NXPE2: variants seen among roughly 807,000 people sequenced by gnomAD.
NXPE2 encodes the protein NXPE family member 2.
In NXPE2, 34 loss-of-function variants were observed where a neutral mutation model predicts 34.4. That is an observed-to-expected ratio of 0.99 (90% CI 0.75 to 1.31). The LOEUF is 1.31. NXPE2 is among the 40% of genes most tolerant of loss of function. NXPE2 has a pLI of 0.00. For synonymous variants in NXPE2, 235 were observed against 231.3 expected, an observed-to-expected ratio of 1.02 and a Z score of -0.15; for missense variants, 649 against 672.5, an observed-to-expected ratio of 0.97 and a Z score of 0.39.
chr11:114,780,910 G>T, the NXPE2 span, among the ~76,000 whole-genome samples: 1 of 152,182 alleles, frequency 6.6e-6, no homozygotes, highest in Non-Finnish European at 1.5e-5. Flanking sequence ...AGGGGATGTG[G>T]CGTTGGGGGA....
chr11:114,469,783 T>C, the NXPE2 span, among the ~76,000 whole-genome samples: 1 of 152,204 alleles, frequency 6.6e-6, no homozygotes, highest in African/African-American at 2.4e-5. Context: ...ACAGTTAACG[T>C]AATGAACATT....
chr11:114,646,768 A>T, the NXPE2 span, among the ~76,000 whole-genome samples: 1 of 152,172 alleles, frequency 6.6e-6, no homozygotes, highest in East Asian at 1.9e-4. Flanking sequence ...TTTTCTCATT[A>T]AAGAGTTTTC....
At chr11:114,586,218 C>T in the NXPE2 span, among the ~76,000 whole-genome samples, 19 of 152,162 alleles carry the variant, frequency 1.2e-4, no homozygotes, top group Non-Finnish European at 2.8e-4. Context: ...GAGCTTTTCT[C>T]TTTCTTTTGC....
chr11:114,746,798 C>T, the NXPE2 span, among the ~76,000 whole-genome samples: 12 of 151,558 alleles, frequency 7.9e-5, no homozygotes, highest in African/African-American at 2.7e-4. Flanking sequence ...TTGCAGCGAG[C>T]CAAGATAGAG....
the NXPE2 span, among the ~76,000 whole-genome samples, chr11:114,490,671 G>C: frequency 2.6e-5 from 4 of 152,114 alleles, no homozygotes; most frequent in African/African-American, 4.8e-5. Context: ...GAAACTGGAT[G>C]CCTTCCTTAC....
Position 114,679,775 on chromosome 11 carries a change from A to AT in NXPE2, c.132+18dup. On this transcript the variant is annotated intron_variant, in intron 2 of 5. Coordinates refer to ENST00000389586, the MANE Select transcript of NXPE2 (RefSeq NM_182495.6). ...AGACCACACAAAGGTAGGAAGTTTC[A>AT]TTTTTAAGAATTTCACAGAAGGTCA... 6.1e-6 allele frequency: 9 copies of AT among 1,481,386 alleles called. No homozygotes were observed. The highest frequency in any genetic ancestry group is 8.3e-6 in the Non-Finnish European group (9 of 1,085,736). The allele number at this position is 1,481,386 out of a possible 1,614,324, so 91.8% of individuals were successfully genotyped here. A position where few individuals can be genotyped will look rare whatever the true frequency, so the allele number is the denominator to read the frequency against.
the NXPE2 span, among the ~76,000 whole-genome samples, chr11:114,648,552 C>A: frequency 6.6e-6 from 1 of 152,130 alleles, no homozygotes; most frequent in Non-Finnish European, 1.5e-5. Context: ...TAGAAACACC[C>A]AGAGTAATGA....
At chr11:114,512,817 A>G in the NXPE2 span, 2 of 188,370 alleles carry the variant, frequency 1.1e-5, no homozygotes, top group Non-Finnish European at 2.2e-5. Flanking sequence ...CTCAGGGAAC[A>G]CGTTGAGGCC....
At chr11:114,629,898 T>A in the NXPE2 span, among the ~76,000 whole-genome samples, 1 of 150,362 alleles carries the variant, frequency 6.7e-6, no homozygotes, top group Non-Finnish European at 1.5e-5. Context: ...GAGAGCCAAA[T>A]CATGAGTGAA....
chr11:114,570,718 G>T, the NXPE2 span: 1,723 of 432,950 alleles, frequency 4.0e-3, 5 homozygotes, highest in Non-Finnish European at 6.0e-3. Context: ...GATCAAGAAG[G>T]GTAGGCTCTT....
chr11:114,607,981 T>C, the NXPE2 span, among the ~76,000 whole-genome samples: 2 of 151,692 alleles, frequency 1.3e-5, no homozygotes, highest in East Asian at 2.0e-4. Context: ...GCCTCGTGAG[T>C]CACCGCTGCT....
chr11:114,741,784 T>A, the NXPE2 span, among the ~76,000 whole-genome samples: 1 of 152,226 alleles, frequency 6.6e-6, no homozygotes, highest in Non-Finnish European at 1.5e-5. Flanking sequence ...ATATTTTTCA[T>A]CTTTGTTAGG....
the NXPE2 span, chr11:114,571,559 G>T: frequency 2.5e-6 from 3 of 1,199,488 alleles, no homozygotes; most frequent in South Asian, 1.6e-5. Context: ...GATTTGATTG[G>T]TATAATTAAA....
the NXPE2 span, among the ~76,000 whole-genome samples, chr11:114,615,098 C>T: frequency 6.6e-6 from 1 of 151,912 alleles, no homozygotes; most frequent in Non-Finnish European, 1.5e-5. Context: ...ATAAGTGTTG[C>T]TTCATGGGTA....
Position 114,698,281 on chromosome 11 carries a change from C to T in NXPE2, c.369C>T (p.Tyr123=). Residue 123 remains tyrosine, a synonymous_variant, in exon 3 of 6, where the codon TAC becomes TAT. Coordinates refer to ENST00000389586, the MANE Select transcript of NXPE2 (RefSeq NM_182495.6). The part of the protein sequence containing the change: ...TATILNPQDT[Y]CRGDQLDILL... ...CCATCCTCAACCCTCAAGATACGTA[C>T]TGCAGGGGGGATCAGCTGGACATCC... 1.2e-6 allele frequency: 2 copies of T among 1,613,574 alleles called. No individual in the cohort carries two copies. The highest frequency in any genetic ancestry group is 1.7e-6 in the Non-Finnish European group (2 of 1,179,674).
the NXPE2 span, among the ~76,000 whole-genome samples, chr11:114,772,048 G>A: frequency 1.3e-5 from 2 of 152,322 alleles, no homozygotes; most frequent in African/African-American, 4.8e-5. Flanking sequence ...CGAAGACAGT[G>A]TTGATGTAAT....
At chr11:114,622,727 C>T in the NXPE2 span, among the ~76,000 whole-genome samples, 2 of 150,454 alleles carry the variant, frequency 1.3e-5, no homozygotes, top group Non-Finnish European at 3.0e-5. Context: ...CGTGTTCCCT[C>T]GTGTGTAACC....
At chr11:114,568,979 A>T in the NXPE2 span, among the ~76,000 whole-genome samples, 2 of 151,594 alleles carry the variant, frequency 1.3e-5, no homozygotes, top group East Asian at 1.9e-4. Context: ...GTAGGGATTT[A>T]AAAAAAAATG....
the NXPE2 span, among the ~76,000 whole-genome samples, chr11:114,502,828 G>C: frequency 7.9e-5 from 12 of 152,306 alleles, no homozygotes; most frequent in South Asian, 2.5e-3. Context: ...TGGCTTTTGT[G>C]TGAGAATTCA....
Sources: gnomAD v4.1 joint callset for allele counts (sites outside exome capture counted in the v4.1 genomes callset) on GRCh38, gnomAD v4.1.1 for gene constraint, MANE v1.5 for transcripts, NCBI Gene and HGNC (gene_info 2026-07-23, HGNC 2026-07-21) for gene names.